Variants in SPATA6L observed in about 807,000 individuals in gnomAD.
The protein encoded by SPATA6L is spermatogenesis associated 6 like, also known as spermatogenesis associated 6-like protein.
In SPATA6L, 68 loss-of-function variants were observed where a neutral mutation model predicts 49.2. The observed-to-expected ratio is 1.38, with a 90% CI of 1.14 to 1.69. SPATA6L has a LOEUF of 1.69. Ranked by LOEUF, SPATA6L falls within the 40% of genes most tolerant of loss-of-function variation. The probability of loss-of-function intolerance (pLI) is 0.00; values close to 1 mark genes in which losing one functional copy is unlikely to be tolerated. For missense variants in SPATA6L, 668 were observed against 464.3 expected, an observed-to-expected ratio of 1.44 and a Z score of -4.03; for synonymous variants, 198 against 165.7, an observed-to-expected ratio of 1.19 and a Z score of -1.50.
chr9:4,615,886 C>T (rs565095850), intron 9 of SPATA6L, among the ~76,000 whole-genome samples: 2 of 152,256 alleles, frequency 1.3e-5, no homozygotes, highest in East Asian at 1.9e-4. Context: ...ACAAAAACCA[C>T]GGGTTTTCCC....
At chr9:4,635,435 T>C in intron 3 of SPATA6L, 36 bp from the exon 4 acceptor site, 1 of 1,563,068 alleles carries the variant, frequency 6.4e-7, no homozygotes, top group African/African-American at 1.4e-5. Context: ...AATATCTGTA[T>C]TTACACCTCC....
chr9:4,659,705 G>A (rs776708675), intron 2 of SPATA6L, among the ~76,000 whole-genome samples: 99 of 152,236 alleles, frequency 6.5e-4, no homozygotes, highest in Admixed American at 1.0e-3. Context: ...AACCAAAAAA[G>A]AGCCCGCATT....
At chr9:4,653,787 A>G (rs534777817) in intron 3 of SPATA6L, among the ~76,000 whole-genome samples, 1 of 152,258 alleles carries the variant, frequency 6.6e-6, no homozygotes, top group African/African-American at 2.4e-5. Flanking sequence ...AAAAACAAAA[A>G]ATAGCTAGGC....
chr9:4,593,982 T>C (rs1211646618), downstream of SPATA6L, among the ~76,000 whole-genome samples: 3 of 152,188 alleles, frequency 2.0e-5, no homozygotes, highest in Non-Finnish European at 2.9e-5. Context: ...TGGATTCCAC[T>C]ACCATCTCTA....
chr9:4,638,474 A>C (rs1833294558), intron 3 of SPATA6L, among the ~76,000 whole-genome samples: 1 of 152,138 alleles, frequency 6.6e-6, no homozygotes, highest in South Asian at 2.1e-4. Flanking sequence ...CAGCCTCCCG[A>C]AGTGCTGGGA....
chr9:4,660,009 C>T lies in SPATA6L; in HGVS notation c.177+1890G>A, dbSNP rs191899397. On this transcript the variant is annotated intron_variant, in intron 2 of 11. Coordinates refer to ENST00000682582, the MANE Select transcript of SPATA6L (RefSeq NM_001353486.2). ...AAGCTGAAACTGGATCCTTTCCTTACACCTTATACAAAAATTAATTCAAGA... is the reference window on the plus strand; with the variant it reads ...AAGCTGAAACTGGATCCTTTCCTTATACCTTATACAAAAATTAATTCAAGA... 2.4e-3 allele frequency among the ~76,000 whole-genome samples: 365 copies of T among 152,342 alleles called. 1 individual carries two copies. Among genetic ancestry groups the T allele is most frequent in the Middle Eastern group, 0.024 (7 of 294 alleles).
chr9:4,619,407 C>G (rs1828771630), intron 7 of SPATA6L, among the ~76,000 whole-genome samples: 1 of 152,110 alleles, frequency 6.6e-6, no homozygotes. Flanking sequence ...ACCCACCCGC[C>G]TCAGCCTCCC....
intron 3 of SPATA6L, among the ~76,000 whole-genome samples, chr9:4,635,635 A>G (rs969910979): frequency 2.0e-5 from 3 of 152,262 alleles, no homozygotes; most frequent in Non-Finnish European, 4.4e-5. Context: ...GTTCTACAAA[A>G]TAGAACAAAA....
chr9:4,665,833 G>A (rs552153786), intron 1 of SPATA6L, among the ~76,000 whole-genome samples: 1 of 152,290 alleles, frequency 6.6e-6, no homozygotes, highest in Non-Finnish European at 1.5e-5. Flanking sequence ...AGGAAGTGAT[G>A]GAGCTTTTTA....
At chr9:4,617,569 G>A (rs1828294642) in intron 9 of SPATA6L, 1 of 185,764 alleles carries the variant, frequency 5.4e-6, no homozygotes, top group Non-Finnish European at 1.1e-5. Flanking sequence ...GTCTTTGAGT[G>A]GTAGGACTAT....
At chr9:4,636,783 A>G in intron 3 of SPATA6L, among the ~76,000 whole-genome samples, 1 of 152,226 alleles carries the variant, frequency 6.6e-6, no homozygotes, top group African/African-American at 2.4e-5. Flanking sequence ...TCAAAGTGCA[A>G]AAAGAAATTA....
intron 7 of SPATA6L, 87 bp from the exon 8 acceptor site, chr9:4,618,985 A>C (rs924984862): frequency 2.4e-5 from 29 of 1,222,224 alleles, no homozygotes; most frequent in Non-Finnish European, 3.4e-5. Flanking sequence ...ACAGCAGTAC[A>C]AAAATTTTAG....
chr9:4,662,726 G>C lies in SPATA6L; in HGVS notation c.40-690C>G, dbSNP rs539885784. The C allele has an allele frequency of 2.5e-6, 4 of 1,602,856 alleles. No individual in the cohort carries two copies. Among genetic ancestry groups the C allele is most frequent in the Non-Finnish European group, 3.4e-6 (4 of 1,179,928 alleles). On this transcript the variant is annotated intron_variant, in intron 1 of 11. Coordinates refer to ENST00000682582, the MANE Select transcript of SPATA6L (RefSeq NM_001353486.2). The surrounding 1 kb of genome is among the most constrained non-coding windows in gnomAD (Gnocchi z 4.9). ...TCGACCTGTGGCTGTCCAAGAAGCT[G>C]GGGGTGTGCGCGGGAGAGAGCTCGT...
In SPATA6L at chr9:4,613,448, A is replaced by G. The variant is rs890551650; in HGVS notation, c.995+4475T>C. Among the ~76,000 whole-genome samples, 3 of 151,692 alleles carry G rather than the reference A, an allele frequency of 2.0e-5. No homozygotes were observed. In the South Asian group the frequency reaches 6.3e-4, roughly 32 times the overall value. On this transcript the variant is annotated intron_variant, in intron 9 of 11. Transcript: ENST00000682582. ...ACAAGCATGTCCCACTGGTTTTTCC[A>G]GGGAGATAAGACCAACAGTATGAAT... is the stretch of plus-strand genomic sequence containing the variant.
chr9:4,599,219 TTA>T lies in SPATA6L; in HGVS notation c.*1590_*1591del, dbSNP rs1289867015. Among the ~76,000 whole-genome samples the T allele has an allele frequency of 1.3e-5, 2 of 152,178 alleles. No individual in the cohort carries two copies. The highest frequency in any genetic ancestry group is 6.5e-5 in the Admixed American group (1 of 15,274). ...GATGTGGAATTTTTCACTTATGGTG[TTA>T]TATTGGTGCTCAAAAAGTTTTGGAT... On this transcript the variant is annotated 3_prime_UTR_variant, in exon 12 of 12. Transcript: ENST00000682582.
intron 4 of SPATA6L, 68 bp downstream of exon 4, chr9:4,635,207 G>A: frequency 7.0e-7 from 1 of 1,433,362 alleles, no homozygotes; most frequent in Non-Finnish European, 9.1e-7. Context: ...AACCCTGTCA[G>A]GAATAAAACG....
At chr9:4,652,996 C>G (rs993502325) in intron 3 of SPATA6L, among the ~76,000 whole-genome samples, 1 of 152,182 alleles carries the variant, frequency 6.6e-6, no homozygotes, top group African/African-American at 2.4e-5. Context: ...TAGCTGGCTT[C>G]TTTGCAGACA....
At chr9:4,663,485 T>C (rs939813521) in intron 1 of SPATA6L, 2 of 528,678 alleles carry the variant, frequency 3.8e-6, no homozygotes, top group East Asian at 6.1e-5. Context: ...AAAAATCCTC[T>C]ATTGTATATT....
intron 2 of SPATA6L, among the ~76,000 whole-genome samples, chr9:4,659,927 G>A (rs895728063): frequency 1.3e-5 from 2 of 152,098 alleles, no homozygotes; most frequent in South Asian, 2.1e-4. Context: ...CAAGAAATGG[G>A]GAAAGGATTC....
Sources: allele counts gnomAD v4.1 joint callset (sites outside exome capture counted in the v4.1 genomes callset), GRCh38; gene constraint gnomAD v4.1.1; non-coding constraint Gnocchi (gnomAD v3.1); transcripts MANE v1.5; gene names NCBI Gene and HGNC (gene_info 2026-07-23, HGNC 2026-07-21).